The following CCDC192 variants were observed in gnomAD, a reference collection of about 807,000 sequenced individuals.
CCDC192 encodes the protein coiled-coil domain-containing protein 192.
At chr5:127,896,212 G>A (rs1280402641) in intron 6 of CCDC192, among the ~76,000 whole-genome samples, 1 of 152,048 alleles carries the variant, frequency 6.6e-6, no homozygotes, top group Non-Finnish European at 1.5e-5. Flanking sequence ...GTCCAGGCAG[G>A]AGGATCATTT....
intron 6 of CCDC192, among the ~76,000 whole-genome samples, chr5:127,935,961 G>A (rs911929448): frequency 1.3e-5 from 2 of 152,106 alleles, no homozygotes; most frequent in African/African-American, 4.8e-5. Context: ...AAAATTATCC[G>A]AGTGTGGTGG....
At chr5:127,765,246 A>G (rs749718341) in intron 3 of CCDC192, among the ~76,000 whole-genome samples, 7 of 152,204 alleles carry the variant, frequency 4.6e-5, no homozygotes, top group Non-Finnish European at 7.3e-5. Context: ...CAGATTCTAC[A>G]TGGCAGAATG....
intron 3 of CCDC192, among the ~76,000 whole-genome samples, chr5:127,778,340 A>AT (rs888755151): frequency 6.6e-6 from 1 of 151,968 alleles, no homozygotes; most frequent in Non-Finnish European, 1.5e-5. Context: ...AGAGTGTTGG[A>AT]TTTTGTCAAT....
At chr5:127,809,960 A>G (rs918639541) in intron 5 of CCDC192, among the ~76,000 whole-genome samples, 1 of 152,216 alleles carries the variant, frequency 6.6e-6, no homozygotes. Context: ...ACATTTATTC[A>G]TAGCCTAAAT....
At chr5:127,797,730 GGT>G (rs1491367889) in intron 4 of CCDC192, among the ~76,000 whole-genome samples, 1 of 76,528 alleles carries the variant, frequency 1.3e-5, no homozygotes. Context: ...TTCATGTGAA[GGT>G]ATATATATAT....
At chr5:127,751,189 G>T (rs1754143039) in intron 2 of CCDC192, among the ~76,000 whole-genome samples, 1 of 151,312 alleles carries the variant, frequency 6.6e-6, no homozygotes, top group African/African-American at 2.4e-5. Flanking sequence ...CTCGTTAGTT[G>T]ATGCAGTTTC....
intron 3 of CCDC192, among the ~76,000 whole-genome samples, chr5:127,788,882 C>T (rs1339110044): frequency 2.0e-5 from 3 of 152,026 alleles, no homozygotes. Flanking sequence ...GGAAGGGGTA[C>T]ATTTAGGAAA....
chr5:127,795,149 G>T (rs1432499074), intron 3 of CCDC192, among the ~76,000 whole-genome samples: 1 of 151,976 alleles, frequency 6.6e-6, no homozygotes, highest in Non-Finnish European at 1.5e-5. Context: ...AATTAGCCAG[G>T]CGTGGTGGTG....
intron 2 of CCDC192, among the ~76,000 whole-genome samples, chr5:127,708,393 T>A (rs1272403668): frequency 6.6e-6 from 1 of 152,222 alleles, no homozygotes; most frequent in Non-Finnish European, 1.5e-5. Flanking sequence ...AAGATCATTA[T>A]ACCAATTCTC....
chr5:127,908,324 C>T (rs1753254671), intron 6 of CCDC192, among the ~76,000 whole-genome samples: 1 of 152,016 alleles, frequency 6.6e-6, no homozygotes, highest in South Asian at 2.1e-4. Context: ...TCAGTTTCTC[C>T]CCTTAGGAAT....
rs994270089 is a variant in CCDC192 at position 127,875,212 on chromosome 5, G to A, written c.412-326G>A. On this transcript the variant is annotated intron_variant, in intron 5 of 6. Coordinates refer to ENST00000514853, the MANE Select transcript of CCDC192 (RefSeq NM_001317938.2). The stretch of plus-strand genomic sequence containing the variant: ...TGATACTAGTAGGCATTAGTACCTC[G>A]GTGGCAAATGCCAACTGGCAAGTAG... Among the ~76,000 whole-genome samples, 4 of 152,154 alleles carry A rather than the reference G, an allele frequency of 2.6e-5. No homozygotes were observed. The East Asian group carries it at 7.7e-4, about 29-fold the overall frequency.
At chr5:127,911,205 C>A (rs146480209) in intron 6 of CCDC192, among the ~76,000 whole-genome samples, 1 of 152,250 alleles carries the variant, frequency 6.6e-6, no homozygotes, top group African/African-American at 2.4e-5. Flanking sequence ...GTGGAACATC[C>A]ATTGTGGGTC....
intron 5 of CCDC192, among the ~76,000 whole-genome samples, chr5:127,820,805 T>C (rs1382444939): frequency 6.6e-6 from 1 of 152,224 alleles, no homozygotes; most frequent in Non-Finnish European, 1.5e-5. Context: ...GTTTCCTTTA[T>C]CAGTTTGTCA....
chr5:127,774,434 A>G (rs1755741775), intron 3 of CCDC192, among the ~76,000 whole-genome samples: 1 of 152,328 alleles, frequency 6.6e-6, no homozygotes, highest in South Asian at 2.1e-4. Flanking sequence ...TTGTTTATGA[A>G]GTAACATAGG....
At chr5:127,747,380 G>C (rs1753836071) in intron 2 of CCDC192, among the ~76,000 whole-genome samples, 1 of 151,958 alleles carries the variant, frequency 6.6e-6, no homozygotes, top group South Asian at 2.1e-4. Context: ...CCTTGTGATA[G>C]TTTACTGAGA....
At chr5:127,884,333 A>C (rs1460052785) in intron 6 of CCDC192, among the ~76,000 whole-genome samples, 1 of 121,932 alleles carries the variant, frequency 8.2e-6, no homozygotes, top group Non-Finnish European at 1.6e-5. Context: ...ACAGAGCAAG[A>C]CTCCGTCTCA....
intron 5 of CCDC192, among the ~76,000 whole-genome samples, chr5:127,869,836 A>G (rs1288863765): frequency 1.3e-5 from 2 of 152,188 alleles, no homozygotes; most frequent in East Asian, 1.9e-4. Flanking sequence ...ATATATTTCT[A>G]TAGCATTTTG....
At chr5:127,897,500 C>A (rs922494505) in intron 6 of CCDC192, among the ~76,000 whole-genome samples, 4 of 152,068 alleles carry the variant, frequency 2.6e-5, no homozygotes, top group African/African-American at 9.7e-5. Context: ...TATGACAGAG[C>A]AATTCTTGAT....
intron 6 of CCDC192, 173 bp from the exon 7 acceptor site, chr5:127,941,009 A>T (rs1754385466): frequency 2.5e-6 from 1 of 393,516 alleles, no homozygotes; most frequent in South Asian, 1.4e-4. Flanking sequence ...AGCACCCAGA[A>T]TCTTTCCTCT....
Sources: allele counts gnomAD v4.1 joint callset (sites outside exome capture counted in the v4.1 genomes callset), GRCh38; gene constraint gnomAD v4.1.1; transcripts MANE v1.5; gene names NCBI Gene and HGNC (gene_info 2026-07-23, HGNC 2026-07-21).